Variants in TFEC observed in about 807,000 individuals in gnomAD.
TFEC encodes the protein class E basic helix-loop-helix protein 34.
A neutral mutation model predicts 41.6 loss-of-function variants in TFEC; 31 were observed. That is an observed-to-expected ratio of 0.74 (90% CI 0.56 to 1.01). The LOEUF is 1.01. TFEC is among the 50% of genes least tolerant of loss of function. The pLI is 0.00. For missense variants in TFEC, 402 were observed against 404.1 expected, an observed-to-expected ratio of 0.99 and a Z score of 0.04; for synonymous variants, 143 against 140.6, an observed-to-expected ratio of 1.02 and a Z score of -0.12.
chr7:116,011,017 A>T (rs1794981028), intron 1 of TFEC, among the ~76,000 whole-genome samples: 1 of 152,166 alleles, frequency 6.6e-6, no homozygotes, highest in Non-Finnish European at 1.5e-5. Flanking sequence ...AGGATTTTTT[A>T]AATTGGCACA....
intron 3 of TFEC, among the ~76,000 whole-genome samples, chr7:116,091,343 A>G (rs770817895): frequency 6.6e-6 from 1 of 152,186 alleles, no homozygotes; most frequent in Non-Finnish European, 1.5e-5. Flanking sequence ...TGTTGCAAGT[A>G]CTATTAAACA....
At chr7:115,948,117 C>T (rs1301020801) in intron 6 of TFEC, among the ~76,000 whole-genome samples, 1 of 151,920 alleles carries the variant, frequency 6.6e-6, no homozygotes, top group Non-Finnish European at 1.5e-5. Context: ...ATAAATTCCT[C>T]GACATATACA....
chr7:116,049,299 A>G (rs1056035496), intron 3 of TFEC, among the ~76,000 whole-genome samples: 1 of 152,190 alleles, frequency 6.6e-6, no homozygotes, highest in East Asian at 1.9e-4. Flanking sequence ...TACCAAGCAA[A>G]TGGAAAACAA....
At chr7:116,118,254 C>T (rs1346140976) in intron 1 of TFEC, among the ~76,000 whole-genome samples, 2 of 151,756 alleles carry the variant, frequency 1.3e-5, no homozygotes, top group East Asian at 1.9e-4. Flanking sequence ...AAAGAAAAAC[C>T]GTTTTCAACA....
chr7:116,040,944 A>G (rs7781921), intron 3 of TFEC, among the ~76,000 whole-genome samples: 27,581 of 152,174 alleles, frequency 0.18, 2,554 homozygotes, highest in East Asian at 0.33. Context: ...ACAGCTTAAG[A>G]AATTTAAAAT....
intron 1 of TFEC, among the ~76,000 whole-genome samples, chr7:116,113,451 T>C (rs975191833): frequency 2.6e-5 from 4 of 151,998 alleles, no homozygotes; most frequent in African/African-American, 9.7e-5. Flanking sequence ...CCACTCCTGC[T>C]GACAACTTGA....
At chr7:115,949,203 T>C (rs1341454476) in intron 6 of TFEC, among the ~76,000 whole-genome samples, 1 of 151,922 alleles carries the variant, frequency 6.6e-6, no homozygotes, top group Non-Finnish European at 1.5e-5. Context: ...TAAAAGAGCA[T>C]ACAAAGAAAT....
At chr7:115,956,636 A>T (rs540332622) in intron 4 of TFEC, 43 bp downstream of exon 4, 1 of 1,418,650 alleles carries the variant, frequency 7.0e-7, no homozygotes, top group East Asian at 2.3e-5. Context: ...AACTTATGTC[A>T]TTAATAAAAA....
intron 3 of TFEC, chr7:116,110,616 A>AT: frequency 2.1e-6 from 2 of 970,478 alleles, no homozygotes; most frequent in Non-Finnish European, 2.7e-6. Context: ...TTTTCCTTCA[A>AT]TTTTTTGAGT....
chr7:116,094,381 A>T (rs1797399274), intron 3 of TFEC, among the ~76,000 whole-genome samples: 1 of 152,214 alleles, frequency 6.6e-6, no homozygotes, highest in Admixed American at 6.5e-5. Context: ...TTAAAATTTT[A>T]AAATAAGAAT....
chr7:115,981,867 C>G (rs901692456), intron 2 of TFEC, among the ~76,000 whole-genome samples: 3 of 152,016 alleles, frequency 2.0e-5, no homozygotes, highest in African/African-American at 7.2e-5. Context: ...AGCCCCGCCA[C>G]CATGAGAACC....
chr7:116,105,164 A>G (rs902820952), intron 3 of TFEC, among the ~76,000 whole-genome samples: 9 of 152,128 alleles, frequency 5.9e-5, no homozygotes, highest in East Asian at 1.9e-4. Flanking sequence ...CCAAGAAATC[A>G]TATGTTTTCT....
At chr7:115,973,409 A>G (rs1172348299) in intron 3 of TFEC, among the ~76,000 whole-genome samples, 1 of 152,026 alleles carries the variant, frequency 6.6e-6, no homozygotes, top group Admixed American at 6.6e-5. Flanking sequence ...TATTTAAAGT[A>G]ACAATTCAAT....
At chr7:116,035,792 A>G (rs543926473), upstream of TFEC, among the ~76,000 whole-genome samples, 86 of 152,108 alleles carry the variant, frequency 5.7e-4, no homozygotes, top group African/African-American at 1.9e-3. Context: ...CACTTTTAGG[A>G]CAAATATCTA....
intron 3 of TFEC, among the ~76,000 whole-genome samples, chr7:116,080,038 C>T (rs1377674361): frequency 6.6e-6 from 1 of 152,026 alleles, no homozygotes; most frequent in African/African-American, 2.4e-5. Context: ...ATACTTACAA[C>T]CAACTGATCT....
chr7:116,114,082 C>T (rs1797917474), intron 1 of TFEC, among the ~76,000 whole-genome samples: 1 of 151,954 alleles, frequency 6.6e-6, no homozygotes, highest in Non-Finnish European at 1.5e-5. Flanking sequence ...ATTTATTATC[C>T]TAACAATATA....
chr7:116,011,919 A>G (rs1230487465), intron 1 of TFEC, among the ~76,000 whole-genome samples: 2 of 152,098 alleles, frequency 1.3e-5, no homozygotes, highest in Non-Finnish European at 2.9e-5. Flanking sequence ...CCATGACTGT[A>G]AGCTCCCTGC....
chr7:116,000,723 C>T (rs546230770), intron 1 of TFEC, among the ~76,000 whole-genome samples: 1 of 151,928 alleles, frequency 6.6e-6, no homozygotes, highest in African/African-American at 2.4e-5. Context: ...AAATAAAATA[C>T]CTAGGAATTA....
At chr7:116,047,551 C>T (rs970832016) in intron 3 of TFEC, among the ~76,000 whole-genome samples, 2 of 152,178 alleles carry the variant, frequency 1.3e-5, no homozygotes, top group Admixed American at 1.3e-4. Context: ...GCCTGCCTAC[C>T]TCTGTAGACT....
Sources: gnomAD v4.1 joint callset for allele counts (sites outside exome capture counted in the v4.1 genomes callset) on GRCh38, gnomAD v4.1.1 for gene constraint, MANE v1.5 for transcripts, NCBI Gene and HGNC (gene_info 2026-07-23, HGNC 2026-07-21) for gene names.